LCORL: variants seen among roughly 807,000 people sequenced by gnomAD.
LCORL encodes the protein ligand-dependent nuclear receptor corepressor-like protein.
In LCORL, 41 loss-of-function variants were observed where a neutral mutation model predicts 141.8. That is an observed-to-expected ratio of 0.29 (90% CI 0.23 to 0.38). The LOEUF (loss-of-function observed/expected upper bound fraction) is 0.38. LCORL is among the 10% of genes least tolerant of loss of function. The probability of loss-of-function intolerance (pLI) is 1.00; values close to 1 mark genes in which losing one functional copy is unlikely to be tolerated. For missense variants in LCORL, 1,759 were observed against 2,035.0 expected (o/e 0.86, Z 2.61); for synonymous variants, 618 against 694.1 (o/e 0.89, Z 1.72).
chr4:17,981,508 G>C (rs1441621382), intron 1 of LCORL, among the ~76,000 whole-genome samples: 1 of 152,104 alleles, frequency 6.6e-6, no homozygotes, highest in Non-Finnish European at 1.5e-5. Context: ...TGTAATCCCA[G>C]CACTTTGGGA....
intron 1 of LCORL, among the ~76,000 whole-genome samples, chr4:18,018,709 C>T (rs1340516164): frequency 6.6e-6 from 1 of 152,094 alleles, no homozygotes; most frequent in Admixed American, 6.6e-5. Context: ...TCATTAGGGG[C>T]TCAATACTAA....
chr4:18,021,745 T>A lies in LCORL; in HGVS notation c.7A>T (p.Lys3Ter), dbSNP rs1208420327. Residue 3 changes from lysine (K) to a stop codon, truncating the protein, a stop_gained, in exon 1 of 8, where the codon AAG becomes TAG. Transcript: ENST00000635767. LOFTEE classifies it high-confidence loss of function. This position sits in a 1 kb window ranked among gnomAD's most constrained non-coding sequence, Gnocchi z 5.5. ...GCAGCGGCCATTCTCTCTCTTCCCT[T>A]GTCCATCTGCGTCCCGCGTCACGCG... 1.3e-6 allele frequency: 2 copies of A among 1,508,610 alleles called. No homozygotes were observed. Among genetic ancestry groups the A allele is most frequent in the Non-Finnish European group, 1.8e-6 (2 of 1,131,568 alleles). The allele number at this position is 1,508,610 out of a possible 1,614,324, so 93.5% of individuals were successfully genotyped here.
chr4:17,957,183 G>A (rs1405817971), intron 4 of LCORL, among the ~76,000 whole-genome samples: 1 of 151,910 alleles, frequency 6.6e-6, no homozygotes, highest in Non-Finnish European at 1.5e-5. Context: ...GAGGAAGAAA[G>A]CAAAAAGCCT....
At chr4:17,991,471 C>T (rs1347915421) in intron 1 of LCORL, among the ~76,000 whole-genome samples, 2 of 152,162 alleles carry the variant, frequency 1.3e-5, no homozygotes, top group African/African-American at 4.8e-5. Context: ...CAACTGAGTT[C>T]AGAAAACTGG....
At chr4:17,897,807 T>C (rs192421009) in intron 5 of LCORL, among the ~76,000 whole-genome samples, 245 of 152,298 alleles carry the variant, frequency 1.6e-3, no homozygotes, top group African/African-American at 5.7e-3. Flanking sequence ...TAGCACAAGA[T>C]GTTCCAGGCT....
chr4:17,857,169 G>C (rs1724453925), intron 7 of LCORL, among the ~76,000 whole-genome samples: 2 of 152,216 alleles, frequency 1.3e-5, no homozygotes, highest in Admixed American at 6.5e-5. Context: ...CCCCAACAGA[G>C]CTTGGAAATA....
At chr4:17,917,354 G>A (rs1476637334) in intron 4 of LCORL, among the ~76,000 whole-genome samples, 1 of 151,976 alleles carries the variant, frequency 6.6e-6, no homozygotes, top group Non-Finnish European at 1.5e-5. Flanking sequence ...CACCACGCCC[G>A]GCTAAGTTTT....
intron 1 of LCORL, among the ~76,000 whole-genome samples, chr4:18,013,834 A>C (rs1031988553): frequency 6.8e-6 from 1 of 145,990 alleles, no homozygotes; most frequent in Non-Finnish European, 1.5e-5. Flanking sequence ...TTTTTTTCGG[A>C]GTCTTGGTCT....
At chr4:17,979,147 G>A (rs900013559) in intron 1 of LCORL, among the ~76,000 whole-genome samples, 1 of 152,070 alleles carries the variant, frequency 6.6e-6, no homozygotes, top group African/African-American at 2.4e-5. Flanking sequence ...AACATGCGGT[G>A]TTTGGTTTTT....
intron 1 of LCORL, among the ~76,000 whole-genome samples, chr4:17,995,192 C>T (rs1325501292): frequency 1.4e-5 from 2 of 146,276 alleles, no homozygotes; most frequent in African/African-American, 2.6e-5. Context: ...TAACCACTAC[C>T]TTTCTTTTAA....
chr4:17,987,443 T>C (rs1300409384), intron 1 of LCORL, among the ~76,000 whole-genome samples: 1 of 152,214 alleles, frequency 6.6e-6, no homozygotes, highest in African/African-American at 2.4e-5. Context: ...ATACTACATT[T>C]GTTTATTGAT....
chr4:17,928,370 C>T (rs1410813966), intron 4 of LCORL, among the ~76,000 whole-genome samples: 1 of 152,176 alleles, frequency 6.6e-6, no homozygotes, highest in Non-Finnish European at 1.5e-5. Flanking sequence ...CATGGCTGCA[C>T]CACTGCCACC....
At chr4:17,917,213 T>TTTTG (rs1560338781) in intron 4 of LCORL, among the ~76,000 whole-genome samples, 41 of 151,648 alleles carry the variant, frequency 2.7e-4, no homozygotes, top group East Asian at 3.9e-4. Flanking sequence ...GTTTTGTTTT[T>TTTTG]TTTTGAGAAG....
intron 7 of LCORL, among the ~76,000 whole-genome samples, chr4:17,851,133 T>TGGGGGGA (rs1272590684): frequency 1.4e-5 from 1 of 73,198 alleles, no homozygotes; most frequent in Non-Finnish European, 2.5e-5. Flanking sequence ...TGTTGTGGGG[T>TGGGGGGA]GGGGGGAGGG....
At chr4:17,916,797 A>T (rs1220638444) in intron 4 of LCORL, among the ~76,000 whole-genome samples, 1 of 151,900 alleles carries the variant, frequency 6.6e-6, no homozygotes. Flanking sequence ...GGCATGTGCC[A>T]CCAAGCCCAG....
At chr4:17,871,437 A>G (rs573045519) in intron 7 of LCORL, among the ~76,000 whole-genome samples, 1 of 152,112 alleles carries the variant, frequency 6.6e-6, no homozygotes, top group South Asian at 2.1e-4. Flanking sequence ...GTCACTAGGC[A>G]TCTTCCATCT....
At chr4:17,842,318 A>G (rs747390249) in exon 8 of LCORL, 3 of 1,612,086 alleles carry the variant, frequency 1.9e-6, no homozygotes, top group Admixed American at 3.3e-5. Context: ...AGGACAGAGA[A>G]AAGTGACAGT....
At chr4:17,903,600 C>T (rs1731189038) in intron 5 of LCORL, among the ~76,000 whole-genome samples, 1 of 152,094 alleles carries the variant, frequency 6.6e-6, no homozygotes, top group Admixed American at 6.5e-5. Context: ...ATGCCTCACC[C>T]TTCTACCACT....
intron 6 of LCORL, chr4:17,882,569 T>G: frequency 4.1e-6 from 4 of 984,732 alleles, no homozygotes; most frequent in Non-Finnish European, 4.8e-6. Context: ...TCAAAACAGC[T>G]TCAGTGTTAA....
Sources: allele counts gnomAD v4.1 joint callset (sites outside exome capture counted in the v4.1 genomes callset), GRCh38; gene constraint gnomAD v4.1.1; non-coding constraint Gnocchi (gnomAD v3.1); transcripts MANE v1.5; gene names NCBI Gene and HGNC (gene_info 2026-07-23, HGNC 2026-07-21).